The following CC2D2A variants were observed in gnomAD, a reference collection of about 807,000 sequenced individuals.
CC2D2A encodes the protein coiled-coil and C2 domain containing 2A, also known as coiled-coil and C2 domain-containing protein 2A.
CC2D2A carries 155 observed loss-of-function variants against 212.9 expected under a neutral mutation model. That is an observed-to-expected ratio of 0.73 (90% CI 0.64 to 0.83). The LOEUF is 0.83. Ranked by LOEUF, CC2D2A falls within the 40% of genes least tolerant of loss-of-function variation. The probability of loss-of-function intolerance (pLI) is 0.00; values close to 1 mark genes in which losing one functional copy is unlikely to be tolerated. For missense variants in CC2D2A, 1,856 were observed against 1,956.2 expected (o/e 0.95, Z 0.97); for synonymous variants, 667 against 686.5 (o/e 0.97, Z 0.44).
chr4:15,476,816 G>A (rs962936002), intron 2 of CC2D2A, among the ~76,000 whole-genome samples: 1 of 152,200 alleles, frequency 6.6e-6, no homozygotes, highest in African/African-American at 2.4e-5. Flanking sequence ...CACCAGAGAA[G>A]GGAGGCTGTC....
At chr4:15,598,308 A>G (rs1256334082) in intron 35 of CC2D2A, among the ~76,000 whole-genome samples, 1 of 152,220 alleles carries the variant, frequency 6.6e-6, no homozygotes, top group Non-Finnish European at 1.5e-5. Flanking sequence ...AATGATCCCT[A>G]TGACTACTGA....
In CC2D2A at chr4:15,475,955, T is replaced by C. The variant is rs775221544; in HGVS notation, c.23T>C (p.Val8Ala). The C allele has an allele frequency of 6.3e-7, 1 of 1,590,180 alleles. No individual in the cohort carries two copies. Among genetic ancestry groups the C allele is most frequent in the Non-Finnish European group, 8.6e-7 (1 of 1,167,486 alleles). Residue 8 changes from valine to alanine, a missense_variant, in exon 2 of 37, where the codon GTA (valine) becomes GCA (alanine). Val to Ala is a moderately conservative substitution (Grantham distance 64). Coordinates refer to ENST00000424120, the MANE Select transcript of CC2D2A (RefSeq NM_001378615.1). MNPREEKVKIITEEFIEN... is the reference protein window; with the variant it reads MNPREEKAKIITEEFIEN... ...AAAATGAATCCCAGGGAAGAAAAAG[T>C]AAAAATAATTACAGAGGTAAGTGGC... is the stretch of plus-strand genomic sequence containing the variant.
intron 14 of CC2D2A, 48 bp downstream of exon 14, chr4:15,533,381 G>A: frequency 7.7e-7 from 1 of 1,303,944 alleles, no homozygotes; most frequent in East Asian, 2.7e-5. Context: ...CATACATTAA[G>A]AAAAATGTAT....
intron 4 of CC2D2A, among the ~76,000 whole-genome samples, chr4:15,483,368 T>C (rs1364613793): frequency 6.6e-6 from 1 of 152,142 alleles, no homozygotes; most frequent in Non-Finnish European, 1.5e-5. Context: ...AATTCAGGTC[T>C]TGGAAACACA....
chr4:15,597,573 C>CA (rs1721374400), intron 35 of CC2D2A, 108 bp downstream of exon 35: 2 of 845,648 alleles, frequency 2.4e-6, no homozygotes, highest in Non-Finnish European at 3.9e-6. Context: ...GGCAACTTAA[C>CA]TTTAATTCAT....
At chr4:15,531,577 G>A (rs888071939) in intron 13 of CC2D2A, among the ~76,000 whole-genome samples, 50 of 152,044 alleles carry the variant, frequency 3.3e-4, no homozygotes, top group African/African-American at 9.9e-4. Flanking sequence ...CCACTGCACC[G>A]TCCAGACCCC....
intron 28 of CC2D2A, among the ~76,000 whole-genome samples, chr4:15,573,229 G>A (rs577001877): frequency 1.3e-5 from 2 of 152,278 alleles, no homozygotes; most frequent in Non-Finnish European, 2.9e-5. Flanking sequence ...ATTCCTTCCT[G>A]TGTCATCTAT....
At chr4:15,586,070 A>G (rs1228389229) in intron 30 of CC2D2A, 87 bp from the exon 31 acceptor site, 1 of 868,366 alleles carries the variant, frequency 1.2e-6, no homozygotes, top group African/African-American at 1.7e-5. Flanking sequence ...AATGTTTGTA[A>G]TATTTGAGAT....
At chr4:15,534,403 A>G (rs780588175) in intron 14 of CC2D2A, among the ~76,000 whole-genome samples, 2 of 152,192 alleles carry the variant, frequency 1.3e-5, no homozygotes, top group Non-Finnish European at 2.9e-5. Flanking sequence ...TAGATATTCT[A>G]TGATATTGTC....
intron 17 of CC2D2A, among the ~76,000 whole-genome samples, chr4:15,549,559 T>C (rs954375234): frequency 2.6e-5 from 4 of 152,122 alleles, no homozygotes; most frequent in Non-Finnish European, 5.9e-5. Flanking sequence ...TCCCAGCACA[T>C]GGGGAAGCTG....
At chr4:15,531,591 G>A (rs1717851905) in intron 13 of CC2D2A, among the ~76,000 whole-genome samples, 1 of 152,018 alleles carries the variant, frequency 6.6e-6, no homozygotes, top group South Asian at 2.1e-4. Flanking sequence ...AGACCCCATC[G>A]ATATCAGATT....
rs1231075766 is a variant in CC2D2A at position 15,563,272 on chromosome 4, T to C, written c.3015-83T>C. On this transcript the variant is annotated intron_variant, in intron 23 of 36. Transcript: ENST00000424120. ...TTTTTCAGGGGCGTGTGCAGGACCA[T>C]GGGGCAGAGTTCGGGAAGTCGTCTC... The C allele has an allele frequency of 4.4e-6, 6 of 1,366,754 alleles. No individual in the cohort carries two copies. In the South Asian group the frequency reaches 5.8e-5, roughly 13 times the overall value. The allele number at this position is 1,366,754 out of a possible 1,614,324, so 84.7% of individuals were successfully genotyped here.
chr4:15,543,871 A>C (rs2109042433), intron 17 of CC2D2A: 1 of 152,356 alleles, frequency 6.6e-6, no homozygotes, highest in African/African-American at 2.4e-5. Flanking sequence ...CAATTATTTG[A>C]GCCACTTAAA....
In CC2D2A at chr4:15,497,735, C is replaced by A. The variant is rs564427773; in HGVS notation, c.248-4694C>A. Among the ~76,000 whole-genome samples the A allele has an allele frequency of 4.6e-5, 7 of 152,242 alleles. No homozygotes were observed. In the South Asian group the frequency reaches 1.5e-3, roughly 32 times the overall value. Reference sequence around the variant, plus strand: ...GGTACCTAATTGTGGTTTTGGTTTCCATTTTCCTAATGACTAATGATGTTA... The same window carrying A: ...GGTACCTAATTGTGGTTTTGGTTTCAATTTTCCTAATGACTAATGATGTTA... On this transcript the variant is annotated intron_variant, in intron 4 of 36. Coordinates refer to ENST00000424120, the MANE Select transcript of CC2D2A (RefSeq NM_001378615.1).
intron 4 of CC2D2A, among the ~76,000 whole-genome samples, chr4:15,501,354 T>C (rs1439136661): frequency 6.6e-6 from 1 of 152,144 alleles, no homozygotes; most frequent in Non-Finnish European, 1.5e-5. Flanking sequence ...ACATCCTGAC[T>C]GGGGTCCCTG....
At chr4:15,510,074 A>T (rs1307639371) in intron 6 of CC2D2A, 65 bp from the exon 7 acceptor site, 5 of 1,264,676 alleles carry the variant, frequency 4.0e-6, no homozygotes, top group Non-Finnish European at 5.7e-6. Context: ...GTTAACCTTC[A>T]TTTTAGAACA....
chr4:15,533,867 A>G (rs1409435592), intron 14 of CC2D2A, among the ~76,000 whole-genome samples: 1 of 152,118 alleles, frequency 6.6e-6, no homozygotes, highest in Non-Finnish European at 1.5e-5. Flanking sequence ...GCATTTTTGT[A>G]CTTGTCTTTT....
intron 4 of CC2D2A, among the ~76,000 whole-genome samples, chr4:15,491,741 T>G (rs1384229993): frequency 1.3e-5 from 2 of 152,348 alleles, no homozygotes; most frequent in Middle Eastern, 3.4e-3. Flanking sequence ...TTGAGTTGTC[T>G]TACTATAGAG....
At chr4:15,505,752 G>A (rs1289977883) in intron 6 of CC2D2A, among the ~76,000 whole-genome samples, 2 of 152,192 alleles carry the variant, frequency 1.3e-5, no homozygotes, top group African/African-American at 4.8e-5. Context: ...TTAAAAACTT[G>A]TACTTCAAAG....
Sources: gnomAD v4.1 joint callset for allele counts (sites outside exome capture counted in the v4.1 genomes callset) on GRCh38, gnomAD v4.1.1 for gene constraint, MANE v1.5 for transcripts, NCBI Gene and HGNC (gene_info 2026-07-23, HGNC 2026-07-21) for gene names.